The following ANGPT1 variants were observed in gnomAD, a reference collection of about 807,000 sequenced individuals.
The protein encoded by ANGPT1 is angiopoietin-1.
ANGPT1 carries 17 observed loss-of-function variants against 62.2 expected under a neutral mutation model. The ratio of observed to expected loss-of-function variants is 0.27; its 90% CI spans 0.19 to 0.41. The LOEUF (loss-of-function observed/expected upper bound fraction) is 0.41, where lower values mean the gene tolerates loss of function less well. ANGPT1 is among the 10% of genes least tolerant of loss of function. The pLI, the probability that ANGPT1 is intolerant of heterozygous loss-of-function variation, is 1.00. For synonymous variants in ANGPT1, 199 were observed against 198.9 expected, an observed-to-expected ratio of 1.00 and a Z score of 0.00; for missense variants, 478 against 594.9, an observed-to-expected ratio of 0.80 and a Z score of 2.04.
At chr8:107,478,206 C>G (rs1343213172) in intron 1 of ANGPT1, among the ~76,000 whole-genome samples, 1 of 150,636 alleles carries the variant, frequency 6.6e-6, no homozygotes, top group Admixed American at 6.6e-5. Flanking sequence ...TGTTTTACAT[C>G]ACTCCTGCTT....
chr8:107,304,231 T>C lies in ANGPT1; in HGVS notation c.809-864A>G, dbSNP rs546310010. Among the ~76,000 whole-genome samples, 192 of 151,884 alleles carry C rather than the reference T, an allele frequency of 1.3e-3. 1 individual carries two copies. The highest frequency in any genetic ancestry group is 3.1e-3 in the Admixed American group (47 of 15,216). On this transcript the variant is annotated intron_variant, in intron 4 of 8. Coordinates refer to ENST00000517746, the MANE Select transcript of ANGPT1 (RefSeq NM_001146.5). ...ACCTTATTTTATTTACTGAGCTTTA[T>C]CCATTATTAACTTCTTACAAATGAA... is the stretch of plus-strand genomic sequence containing the variant.
chr8:107,316,148 G>A (rs1257898448), intron 4 of ANGPT1, among the ~76,000 whole-genome samples: 1 of 152,084 alleles, frequency 6.6e-6, no homozygotes, highest in Non-Finnish European at 1.5e-5. Flanking sequence ...ATTATTTCTT[G>A]CTGATTCTAA....
In ANGPT1 at chr8:107,382,245, T is replaced by G. The variant is rs144419319; in HGVS notation, c.298-35148A>C. Among the ~76,000 whole-genome samples the G allele has an allele frequency of 2.6e-4, 40 of 152,280 alleles. No individual in the cohort carries two copies. In the Middle Eastern group the frequency reaches 0.01, roughly 39 times the overall value. On this transcript the variant is annotated intron_variant, in intron 1 of 8. Transcript: ENST00000517746. ...ATATGAGAAAAATTTAAAAAGAAAT[T>G]TTGACACAGCATTTATAAAACTTCC...
Position 107,347,114 on chromosome 8 carries a change from A to C in ANGPT1, c.298-17T>G. On this transcript the variant is annotated splice_polypyrimidine_tract_variant and intron_variant, in intron 1 of 8. Coordinates refer to ENST00000517746, the MANE Select transcript of ANGPT1 (RefSeq NM_001146.5). ...ATTCTCAAGCTGCAAGAGATAAAGA[A>C]CAAAACATATTACATTATAAGCAAG... The C allele has an allele frequency of 6.2e-7, 1 of 1,610,520 alleles. No homozygotes were observed. The highest frequency in any genetic ancestry group is 8.5e-7 in the Non-Finnish European group (1 of 1,177,798).
At chr8:107,276,826 A>G (rs1034735333) in intron 7 of ANGPT1, among the ~76,000 whole-genome samples, 1 of 152,158 alleles carries the variant, frequency 6.6e-6, no homozygotes, top group Non-Finnish European at 1.5e-5. Context: ...CTACTTCCCA[A>G]TGAAGATCTT....
At chr8:107,387,730 TG>T (rs1180187517) in intron 1 of ANGPT1, among the ~76,000 whole-genome samples, 1 of 152,036 alleles carries the variant, frequency 6.6e-6, no homozygotes, top group Non-Finnish European at 1.5e-5. Flanking sequence ...ATTCAGATTC[TG>T]GCTGTGCATG....
intron 5 of ANGPT1, among the ~76,000 whole-genome samples, chr8:107,299,072 C>T (rs1298854203): frequency 6.6e-6 from 1 of 151,516 alleles, no homozygotes; most frequent in Non-Finnish European, 1.5e-5. Context: ...ATAATGAGAA[C>T]ATGAATCAAC....
At chr8:107,358,007 G>T (rs1290946933) in intron 1 of ANGPT1, among the ~76,000 whole-genome samples, 3 of 151,978 alleles carry the variant, frequency 2.0e-5, no homozygotes, top group Non-Finnish European at 2.9e-5. Flanking sequence ...TTTCTCTTCT[G>T]AAATATCTTG....
chr8:107,333,633 T>C (rs1315961406), intron 3 of ANGPT1, among the ~76,000 whole-genome samples: 1 of 152,060 alleles, frequency 6.6e-6, no homozygotes, highest in African/African-American at 2.4e-5. Context: ...GGCACAAATA[T>C]GTTTGGGATC....
intron 7 of ANGPT1, among the ~76,000 whole-genome samples, chr8:107,282,918 C>T (rs951481211): frequency 6.6e-6 from 1 of 151,810 alleles, no homozygotes; most frequent in African/African-American, 2.4e-5. Context: ...CGAAGTGCAC[C>T]ACAGATGCCA....
chr8:107,359,582 T>G (rs1434154695), intron 1 of ANGPT1, among the ~76,000 whole-genome samples: 3 of 152,204 alleles, frequency 2.0e-5, no homozygotes, highest in Non-Finnish European at 4.4e-5. Context: ...CCTAGCAGCA[T>G]TCCATTGAAT....
chr8:107,252,050 G>A (rs778667054), intron 8 of ANGPT1, 35 bp from the exon 9 acceptor site: 9 of 1,584,042 alleles, frequency 5.7e-6, no homozygotes, highest in Middle Eastern at 1.7e-4. Flanking sequence ...GAGAGAAGGA[G>A]AGGCAACAAT....
chr8:107,345,827 T>C (rs1037764751), intron 2 of ANGPT1, among the ~76,000 whole-genome samples: 28 of 152,310 alleles, frequency 1.8e-4, no homozygotes, highest in African/African-American at 6.7e-4. Context: ...CAAAAAGTAT[T>C]TTCCAAAGCT....
At chr8:107,467,288 A>G (rs1812230080) in intron 1 of ANGPT1, among the ~76,000 whole-genome samples, 1 of 151,610 alleles carries the variant, frequency 6.6e-6, no homozygotes, top group African/African-American at 2.4e-5. Flanking sequence ...ACTATTAAGT[A>G]CCTATAATGA....
chr8:107,347,501 A>G (rs1815831929), intron 1 of ANGPT1, among the ~76,000 whole-genome samples: 1 of 152,184 alleles, frequency 6.6e-6, no homozygotes. Flanking sequence ...CCAAATTCAC[A>G]TACTAATTTA....
chr8:107,250,598 G>A lies in ANGPT1; in HGVS notation c.*1257C>T, dbSNP rs192879941. 2 of 152,114 alleles carry A rather than the reference G, an allele frequency of 1.3e-5. No homozygotes were observed. The highest frequency in any genetic ancestry group is 2.9e-5 in the Non-Finnish European group (2 of 67,960). 9.4% of individuals were successfully genotyped at this position (152,114 alleles called of 1,614,324 possible). A position where few individuals can be genotyped will look rare whatever the true frequency, so the allele number is the denominator to read the frequency against. On this transcript the variant is annotated 3_prime_UTR_variant, in exon 9 of 9. Coordinates refer to ENST00000517746, the MANE Select transcript of ANGPT1 (RefSeq NM_001146.5). ...ATTTCTTTGAGCATTTGTGTTATTTGCATCAATTAAGGACAATGTTGCATA... is the reference window on the plus strand; with the variant it reads ...ATTTCTTTGAGCATTTGTGTTATTTACATCAATTAAGGACAATGTTGCATA...
intron 4 of ANGPT1, among the ~76,000 whole-genome samples, chr8:107,309,625 GAT>G (rs1814801548): frequency 6.6e-6 from 1 of 152,060 alleles, no homozygotes; most frequent in Non-Finnish European, 1.5e-5. Context: ...AGGGGTGAGG[GAT>G]ATTTACCAAT....
intron 1 of ANGPT1, among the ~76,000 whole-genome samples, chr8:107,390,350 C>T (rs1480899108): frequency 1.3e-5 from 2 of 152,078 alleles, no homozygotes; most frequent in Admixed American, 6.6e-5. Context: ...GAAAGCAGGA[C>T]GTAATTCATT....
At chr8:107,403,970 A>C (rs1476508659) in intron 1 of ANGPT1, among the ~76,000 whole-genome samples, 1 of 152,174 alleles carries the variant, frequency 6.6e-6, no homozygotes, top group African/African-American at 2.4e-5. Context: ...TGTTTTGTTA[A>C]GAGATGATGA....
Sources: allele counts gnomAD v4.1 joint callset (sites outside exome capture counted in the v4.1 genomes callset), GRCh38; gene constraint gnomAD v4.1.1; transcripts MANE v1.5; gene names NCBI Gene and HGNC (gene_info 2026-07-23, HGNC 2026-07-21).